The following LAMA5 variants were observed in gnomAD, a reference collection of about 807,000 sequenced individuals.
The protein encoded by LAMA5 is laminin subunit alpha 5, also known as laminin subunit alpha-5.
A neutral mutation model predicts 433.4 loss-of-function variants in LAMA5; 260 were observed. That is an observed-to-expected ratio of 0.60 (90% CI 0.54 to 0.66). The LOEUF (loss-of-function observed/expected upper bound fraction) is 0.66, where lower values mean the gene tolerates loss of function less well. LAMA5 is among the 30% of genes least tolerant of loss of function. LAMA5 has a pLI of 0.00. For missense variants in LAMA5, 5,378 were observed against 5,258.5 expected, an observed-to-expected ratio of 1.02 and a Z score of -0.70; for synonymous variants, 2,620 against 2,226.6, an observed-to-expected ratio of 1.18 and a Z score of -4.97.
chr20:62,329,743 C>CT (rs775188275), intron 32 of LAMA5, 34 bp downstream of exon 32: 1 of 1,609,898 alleles, frequency 6.2e-7, no homozygotes, highest in East Asian at 2.2e-5. Flanking sequence ...ATAAGGACAG[C>CT]TGGTCCCTGA....
At chr20:62,336,310 CT>C (rs1484577991) in intron 18 of LAMA5, 29 bp downstream of exon 18, 1 of 1,494,954 alleles carries the variant, frequency 6.7e-7, no homozygotes, top group Admixed American at 1.9e-5. Context: ...CAAGGAACCC[CT>C]GTACCCCAAT....
At chr20:62,362,799 G>A (rs1456334637) in intron 1 of LAMA5, among the ~76,000 whole-genome samples, 2 of 152,220 alleles carry the variant, frequency 1.3e-5, no homozygotes, top group Admixed American at 1.3e-4. Flanking sequence ...GGGTGGAGAG[G>A]GGCATCTGCC....
rs374331773 is a variant in LAMA5 at position 62,326,824 on chromosome 20, G to A, written c.5214+41C>T. 466 of 1,598,668 alleles carry A rather than the reference G, an allele frequency of 2.9e-4. 2 individuals are homozygous for A. Among genetic ancestry groups the A allele is most frequent in the East Asian group, 6.7e-5 (3 of 44,622 alleles). ...CTGGACCACGGTGCCACTGCGCCAC[G>A]CCCACCCAACCACCCTGCCACATCA... On this transcript the variant is annotated intron_variant, in intron 39 of 79. Coordinates refer to ENST00000252999, the MANE Select transcript of LAMA5 (RefSeq NM_005560.6).
chr20:62,341,528 C>A (rs1429520375), intron 11 of LAMA5, among the ~76,000 whole-genome samples: 1 of 152,180 alleles, frequency 6.6e-6, no homozygotes, highest in African/African-American at 2.4e-5. Context: ...TCGTCACAAC[C>A]AAAAATGTCT....
intron 11 of LAMA5, among the ~76,000 whole-genome samples, chr20:62,341,826 CAAAAAAAAAAAA>C (rs11466846): frequency 1.2e-4 from 15 of 128,102 alleles, no homozygotes; most frequent in African/African-American, 1.1e-4. Context: ...TCTGATCAAC[CAAAAAAAAAAAA>C]AAAAAAAAAG....
rs1986216575 is a variant in LAMA5, at chr20:62,311,079, C to A, written c.10104G>T (p.Met3368Ile). ...CTCGGGAGCTTCGCGGGAGGACGTG[C>A]ATGGAGAGACTGGGCCTGGAAGCGG... Reference protein sequence around the residue: ...ARHRNWPSLSMHVLPRSSRGL... With the variant: ...ARHRNWPSLSIHVLPRSSRGL... The change falls in exon 74 of 80, where the codon ATG (methionine) becomes ATT (isoleucine). Residue 3368 changes from methionine (M) to isoleucine (I), a missense_variant. Coordinates refer to ENST00000252999, the MANE Select transcript of LAMA5 (RefSeq NM_005560.6). 2.5e-6 allele frequency: 4 copies of A among 1,583,226 alleles called. No homozygotes were observed. The highest frequency in any genetic ancestry group is 3.4e-6 in the Non-Finnish European group (4 of 1,163,910).
At chr20:62,327,841 A>C in intron 36 of LAMA5, 25 bp downstream of exon 36, 3 of 1,592,700 alleles carry the variant, frequency 1.9e-6, no homozygotes, top group Non-Finnish European at 2.6e-6. Context: ...GGGAGAGGCC[A>C]GATCTGGGCC....
intron 51 of LAMA5, 176 bp from the exon 52 acceptor site, chr20:62,319,189 G>A (rs1423698474): frequency 3.2e-6 from 2 of 619,180 alleles, no homozygotes; most frequent in African/African-American, 3.7e-5. Context: ...TGCCTCACCT[G>A]CCCGGCCCTC....
Position 62,352,280 on chromosome 20 carries a change from T to C in LAMA5, c.649A>G (p.Thr217Ala), listed in dbSNP as rs775686004. 5 of 1,600,050 alleles carry C rather than the reference T, an allele frequency of 3.1e-6. No individual in the cohort carries two copies. Among genetic ancestry groups the C allele is most frequent in the Non-Finnish European group, 4.2e-6 (5 of 1,179,658 alleles). ...ITRDDAAICT[T>A]EYSRIVPLEN... ...AGGGGCACGATGCGTGAGTACTCGGTGGTGCAGATGGCCGCGTCGTCCCGT... is the reference window on the plus strand; with the variant it reads ...AGGGGCACGATGCGTGAGTACTCGGCGGTGCAGATGGCCGCGTCGTCCCGT... Residue 217 changes from threonine (T) to alanine (A), a missense_variant, in exon 4 of 80, where the codon ACC (threonine) becomes GCC (alanine). By Grantham distance (58) the Thr-to-Ala change is moderately conservative. Transcript: ENST00000252999.
Position 62,317,791 on chromosome 20 carries a change from C to T in LAMA5, c.7240-13G>A, listed in dbSNP as rs777046208. Reference sequence around the variant, plus strand: ...CCTGCTTCCTTTGCTGAAGGCAATGCAGGGGAGTTGGGGACAATGAGGGGT... The same window carrying T: ...CCTGCTTCCTTTGCTGAAGGCAATGTAGGGGAGTTGGGGACAATGAGGGGT... On this transcript the variant is annotated splice_polypyrimidine_tract_variant and intron_variant, in intron 53 of 79. Coordinates refer to ENST00000252999, the MANE Select transcript of LAMA5 (RefSeq NM_005560.6). 1 of 1,546,560 alleles carries T rather than the reference C, an allele frequency of 6.5e-7. No homozygotes were observed. The highest frequency in any genetic ancestry group is 8.8e-7 in the Non-Finnish European group (1 of 1,136,734).
rs376602771 is a variant in LAMA5 at position 62,337,741 on chromosome 20, T to C, written c.2027-14A>G. 67 of 1,608,068 alleles carry C rather than the reference T, an allele frequency of 4.2e-5. No individual in the cohort carries two copies. In the Middle Eastern group the frequency reaches 6.6e-4, roughly 16 times the overall value. ...AGCAGTGGCAGGCTGCAGACAAGGA[T>C]AGCTGTGGGCACGCAGTGGAGACTG... On this transcript the variant is annotated splice_polypyrimidine_tract_variant and intron_variant, in intron 15 of 79. Transcript: ENST00000252999.
chr20:62,333,523 CCT>C (rs758812952), intron 24 of LAMA5, 39 bp downstream of exon 24: 9 of 1,581,046 alleles, frequency 5.7e-6, no homozygotes, highest in Middle Eastern at 1.7e-4. Context: ...GGCCCCACCC[CCT>C]GACCCGGCCC....
intron 11 of LAMA5, among the ~76,000 whole-genome samples, chr20:62,343,899 C>G (rs1982975906): frequency 6.6e-6 from 1 of 151,512 alleles, no homozygotes; most frequent in Admixed American, 6.6e-5. Flanking sequence ...AATCCCAGCA[C>G]TTTAGGATGC....
intron 6 of LAMA5, 41 bp from the exon 7 acceptor site, chr20:62,347,069 G>A (rs750680953): frequency 1.3e-6 from 2 of 1,484,774 alleles, no homozygotes; most frequent in Non-Finnish European, 1.9e-6. Flanking sequence ...CCATCCTGGA[G>A]GCAGGTGGCA....
intron 11 of LAMA5, among the ~76,000 whole-genome samples, chr20:62,339,386 C>T (rs867178791): frequency 2.6e-5 from 4 of 151,782 alleles, no homozygotes; most frequent in Non-Finnish European, 4.4e-5. Context: ...TACAGGTGCA[C>T]GCTGCCACGC....
chr20:62,353,708 C>T (rs1231620275), intron 2 of LAMA5, among the ~76,000 whole-genome samples: 4 of 152,238 alleles, frequency 2.6e-5, no homozygotes, highest in African/African-American at 4.8e-5. Flanking sequence ...TCCCTGCCAC[C>T]AGGCAGGTCC....
chr20:62,363,895 C>T (rs77699366), intron 1 of LAMA5, among the ~76,000 whole-genome samples: 1,569 of 152,296 alleles, frequency 0.01, 31 homozygotes, highest in African/African-American at 0.035. Context: ...CCCAAGACCC[C>T]GCCCTGGTGT....
At chr20:62,339,426 C>T (rs908585441) in intron 11 of LAMA5, among the ~76,000 whole-genome samples, 1 of 151,754 alleles carries the variant, frequency 6.6e-6, no homozygotes, top group Admixed American at 6.6e-5. Flanking sequence ...TTAGTAGAGA[C>T]GGGGTTTCAC....
Position 62,310,100 on chromosome 20 carries a change from A to T in LAMA5, c.10735-19T>A. On this transcript the variant is annotated intron_variant, in intron 77 of 79. Transcript: ENST00000252999. The stretch of plus-strand genomic sequence containing the variant: ...GCAGGACCTGGCGGGGTAGGAAGGG[A>T]GGGTCAGGCTATGCCCCCGAGGTCA... The T allele has an allele frequency of 6.2e-7, 1 of 1,610,858 alleles. No homozygotes were observed. Among genetic ancestry groups the T allele is most frequent in the Admixed American group, 1.7e-5 (1 of 59,960 alleles).
Sources: allele counts gnomAD v4.1 joint callset (sites outside exome capture counted in the v4.1 genomes callset), GRCh38; gene constraint gnomAD v4.1.1; transcripts MANE v1.5; gene names NCBI Gene and HGNC (gene_info 2026-07-23, HGNC 2026-07-21).